UST: variants seen among roughly 807,000 people sequenced by gnomAD.
UST encodes the protein uronyl 2-sulfotransferase.
In UST, 21 loss-of-function variants were observed where a neutral mutation model predicts 45.6. The ratio of observed to expected loss-of-function variants is 0.46; its 90% CI spans 0.33 to 0.66. The LOEUF is 0.66. Among genes scored for constraint, UST ranks in the 30% least tolerant of loss-of-function variants. The pLI is 0.02. For synonymous variants in UST, 215 were observed against 200.6 expected (o/e 1.07, Z -0.61); for missense variants, 463 against 512.4 (o/e 0.90, Z 0.93).
In UST at chr6:148,964,577, C is replaced by T. The variant is rs1238170964; in HGVS notation, c.681+14C>T. The T allele has an allele frequency of 1.2e-6, 2 of 1,612,468 alleles. No individual in the cohort carries two copies. Among genetic ancestry groups the T allele is most frequent in the Non-Finnish European group, 1.7e-6 (2 of 1,179,694 alleles). Reference sequence around the variant, plus strand: ...GAGCGCTACCTGGTAAGTCCTGTCGCATGCAAAAGGCGGTCTCCCCACTGC... The same window carrying T: ...GAGCGCTACCTGGTAAGTCCTGTCGTATGCAAAAGGCGGTCTCCCCACTGC... On this transcript the variant is annotated intron_variant, in intron 5 of 7. Transcript: ENST00000367463.
intron 2 of UST, among the ~76,000 whole-genome samples, chr6:148,899,459 A>T (rs1779206890): frequency 6.6e-6 from 1 of 152,214 alleles, no homozygotes; most frequent in Admixed American, 6.5e-5. Context: ...TTTAAAAATT[A>T]TGCATGCTTC....
intron 1 of UST, among the ~76,000 whole-genome samples, chr6:148,885,899 T>C (rs1044316594): frequency 6.6e-5 from 10 of 152,260 alleles, no homozygotes; most frequent in African/African-American, 2.4e-4. Context: ...CTAGAGGTAT[T>C]CTTGCAGTTC....
chr6:148,804,559 A>G (rs1236388857), intron 1 of UST, among the ~76,000 whole-genome samples: 2 of 152,180 alleles, frequency 1.3e-5, no homozygotes, highest in South Asian at 4.1e-4. Context: ...CCATCCTTAC[A>G]TTTCCTCCCT....
rs550468160 is a variant in UST, at chr6:148,996,248, C to G, written c.682-22891C>G. On this transcript the variant is annotated intron_variant, in intron 5 of 7. Coordinates refer to ENST00000367463, the MANE Select transcript of UST (RefSeq NM_005715.3). ...GTTATCGTTGTTTCTGAGACAGGAT[C>G]TCACTCTGTCACCAGGCTGGAGTGC... 2.0e-5 allele frequency among the ~76,000 whole-genome samples: 3 copies of G among 152,290 alleles called. No individual in the cohort carries two copies. In the East Asian group the frequency reaches 5.8e-4, roughly 29 times the overall value.
chr6:148,996,963 G>A (rs1255426517), intron 5 of UST, among the ~76,000 whole-genome samples: 1 of 152,186 alleles, frequency 6.6e-6, no homozygotes, highest in Non-Finnish European at 1.5e-5. Context: ...TGTATATGTG[G>A]AGGTTTGTTG....
chr6:148,819,008 A>T (rs766546531), intron 1 of UST, among the ~76,000 whole-genome samples: 2 of 152,168 alleles, frequency 1.3e-5, no homozygotes, highest in East Asian at 3.8e-4. Context: ...TTTGGGGAAA[A>T]AAATGAGTTC....
intron 5 of UST, among the ~76,000 whole-genome samples, chr6:148,982,050 C>T (rs929557773): frequency 1.3e-4 from 20 of 151,680 alleles, no homozygotes; most frequent in African/African-American, 4.8e-4. Context: ...TATGTCTTCA[C>T]ACTGAAAAAG....
intron 2 of UST, among the ~76,000 whole-genome samples, chr6:148,910,134 C>CTTTTTTTTTT (rs148286486): frequency 1.9e-5 from 2 of 103,444 alleles, no homozygotes; most frequent in Non-Finnish European, 3.7e-5. Context: ...GCCTGGGATG[C>CTTTTTTTTTT]TTTTTTTTTT....
intron 5 of UST, 69 bp from the exon 6 acceptor site, chr6:149,019,070 A>G: frequency 2.6e-6 from 3 of 1,148,620 alleles, no homozygotes; most frequent in South Asian, 2.5e-5. Flanking sequence ...ATTTTACTTA[A>G]ACTGTGTGGC....
At chr6:148,753,454 T>C (rs1776028905) in intron 1 of UST, among the ~76,000 whole-genome samples, 1 of 152,250 alleles carries the variant, frequency 6.6e-6, no homozygotes. Flanking sequence ...TGTTATAGCA[T>C]GTGTCAGTAC....
intron 1 of UST, among the ~76,000 whole-genome samples, chr6:148,796,377 A>G (rs1042764262): frequency 6.6e-6 from 1 of 152,072 alleles, no homozygotes; most frequent in African/African-American, 2.4e-5. Context: ...AGGGAATCCC[A>G]GCATTTGGGA....
At chr6:148,970,876 T>C (rs150569720) in intron 5 of UST, among the ~76,000 whole-genome samples, 1,798 of 152,350 alleles carry the variant, frequency 0.012, 37 homozygotes, top group African/African-American at 0.04. Flanking sequence ...TAAGGACTTA[T>C]GTCATTAGAT....
At chr6:148,964,610 G>GT in intron 5 of UST, 47 bp downstream of exon 5, 1 of 1,603,632 alleles carries the variant, frequency 6.2e-7, no homozygotes. Flanking sequence ...TGCCTGAGGA[G>GT]TGGGCCCTCC....
intron 5 of UST, among the ~76,000 whole-genome samples, chr6:149,000,105 G>A (rs1781519324): frequency 6.6e-6 from 1 of 152,162 alleles, no homozygotes; most frequent in Admixed American, 6.5e-5. Flanking sequence ...TGGCCAACAA[G>A]AGGGCCAGAC....
At chr6:148,849,390 A>G (rs1582850369) in intron 1 of UST, among the ~76,000 whole-genome samples, 2 of 152,240 alleles carry the variant, frequency 1.3e-5, no homozygotes, top group South Asian at 4.1e-4. Context: ...TATGTCATCT[A>G]GTTGAAAAAG....
At chr6:148,902,355 T>C (rs1371543780) in intron 2 of UST, among the ~76,000 whole-genome samples, 1 of 151,714 alleles carries the variant, frequency 6.6e-6, no homozygotes. Flanking sequence ...GCCTCCTGAA[T>C]AGCTGGGACT....
chr6:148,936,279 T>A (rs750078914), intron 2 of UST, among the ~76,000 whole-genome samples: 1 of 152,114 alleles, frequency 6.6e-6, no homozygotes, highest in Non-Finnish European at 1.5e-5. Context: ...AGGGTGATAG[T>A]TGTGGCTAGG....
intron 5 of UST, among the ~76,000 whole-genome samples, chr6:148,998,798 T>C (rs1349934519): frequency 6.6e-6 from 1 of 152,252 alleles, no homozygotes; most frequent in Non-Finnish European, 1.5e-5. Flanking sequence ...CAGCCCCTTA[T>C]AGGCCGAGGC....
chr6:149,057,891 C>T (rs1302975865), intron 7 of UST, among the ~76,000 whole-genome samples: 2 of 152,112 alleles, frequency 1.3e-5, no homozygotes, highest in African/African-American at 4.8e-5. Context: ...ATTTTATATT[C>T]TTGTTTTCCT....
Sources: gnomAD v4.1 joint callset for allele counts (sites outside exome capture counted in the v4.1 genomes callset) on GRCh38, gnomAD v4.1.1 for gene constraint, MANE v1.5 for transcripts, NCBI Gene and HGNC (gene_info 2026-07-23, HGNC 2026-07-21) for gene names.